CFAP299: variants seen among roughly 807,000 people sequenced by gnomAD.
The protein encoded by CFAP299 is cilia- and flagella-associated protein 299.
A neutral mutation model predicts 27.0 loss-of-function variants in CFAP299; 21 were observed. The observed-to-expected ratio is 0.78, with a 90% confidence interval of 0.55 to 1.12. The LOEUF (loss-of-function observed/expected upper bound fraction) is 1.12, where lower values mean the gene tolerates loss of function less well. Among genes scored for constraint, CFAP299 ranks in the 50% most tolerant of loss-of-function variants. The pLI is 0.00. For missense variants in CFAP299, 310 were observed against 276.6 expected, an observed-to-expected ratio of 1.12 and a Z score of -0.86; for synonymous variants, 104 against 98.1, an observed-to-expected ratio of 1.06 and a Z score of -0.36.
intron 3 of CFAP299, among the ~76,000 whole-genome samples, chr4:80,831,297 A>T (rs1416121923): frequency 6.6e-6 from 1 of 152,198 alleles, no homozygotes; most frequent in Non-Finnish European, 1.5e-5. Context: ...GAATTAAAGC[A>T]TGTAATAATA....
chr4:80,763,805 A>G (rs1032130622), intron 3 of CFAP299, among the ~76,000 whole-genome samples: 5 of 152,168 alleles, frequency 3.3e-5, no homozygotes, highest in Non-Finnish European at 7.4e-5. Context: ...AACAACACGC[A>G]TCTACAACCA....
intron 3 of CFAP299, among the ~76,000 whole-genome samples, chr4:80,727,571 C>T (rs1723233655): frequency 6.6e-6 from 1 of 151,818 alleles, no homozygotes; most frequent in Non-Finnish European, 1.5e-5. Context: ...CCCTTGGGTT[C>T]CTTATTTTTA....
At chr4:80,506,562 T>G (rs1732047771) in intron 2 of CFAP299, among the ~76,000 whole-genome samples, 1 of 152,216 alleles carries the variant, frequency 6.6e-6, no homozygotes, top group African/African-American at 2.4e-5. Flanking sequence ...AACTTTAATT[T>G]TTCTGTCATT....
At chr4:80,572,148 C>T (rs563799279) in intron 2 of CFAP299, among the ~76,000 whole-genome samples, 1 of 152,166 alleles carries the variant, frequency 6.6e-6, no homozygotes, top group East Asian at 1.9e-4. Flanking sequence ...TATTCATCAC[C>T]TCAAGCATTT....
At chr4:80,914,057 A>G (rs1437436695) in intron 4 of CFAP299, among the ~76,000 whole-genome samples, 2 of 152,128 alleles carry the variant, frequency 1.3e-5, no homozygotes, top group African/African-American at 4.8e-5. Flanking sequence ...GTACTATTCC[A>G]CTATAAAGAT....
chr4:80,645,286 T>C (rs1459412345), intron 3 of CFAP299, among the ~76,000 whole-genome samples: 1 of 151,988 alleles, frequency 6.6e-6, no homozygotes, highest in Non-Finnish European at 1.5e-5. Context: ...TTGCATGGAG[T>C]ATAGAGTTGC....
Position 80,420,651 on chromosome 4 carries a change from T to TG in CFAP299, c.242+57768dup, listed in dbSNP as rs35333049. ...TTTTTATGGAGTTGAGTTCCTTACA[T>TG]GTTTTGAATATTTATCCCTTATCAG... On this transcript the variant is annotated intron_variant, in intron 2 of 5. Transcript: ENST00000358105. Among the ~76,000 whole-genome samples the TG allele has an allele frequency of 3.1e-3, 473 of 152,298 alleles. 1 individual carries two copies. The highest frequency in any genetic ancestry group is 0.027 in the South Asian group (131 of 4,826).
intron 2 of CFAP299, among the ~76,000 whole-genome samples, chr4:80,542,316 A>G (rs1457646864): frequency 1.3e-5 from 2 of 152,162 alleles, no homozygotes; most frequent in Non-Finnish European, 2.9e-5. Flanking sequence ...TGTAATCATC[A>G]GGCTTGAGAA....
chr4:80,952,177 T>C (rs1737814489), intron 5 of CFAP299, among the ~76,000 whole-genome samples: 1 of 152,304 alleles, frequency 6.6e-6, no homozygotes, highest in South Asian at 2.1e-4. Context: ...TGCCGTTGTA[T>C]TACCAGGGCT....
rs369036970 is a variant in CFAP299, at chr4:80,800,459, A to T, written c.334-69534A>T. ...TATAATATATTGATATATTAATATA[A>T]TATATAATATATAATATATTATATA... On this transcript the variant is annotated intron_variant, in intron 3 of 5. Coordinates refer to ENST00000358105, the MANE Select transcript of CFAP299 (RefSeq NM_152770.3). 9.5e-3 allele frequency among the ~76,000 whole-genome samples: 89 copies of T among 9,338 alleles called. 4 individuals are homozygous for T. The highest frequency in any genetic ancestry group is 0.016 in the South Asian group (4 of 256). 6.1% of individuals were successfully genotyped at this position (9,338 alleles called of 152,430 possible).
chr4:80,875,814 G>C (rs1281041492), intron 4 of CFAP299, among the ~76,000 whole-genome samples: 1 of 152,050 alleles, frequency 6.6e-6, no homozygotes, highest in Non-Finnish European at 1.5e-5. Context: ...AGTTACTCAT[G>C]CATAGTACCT....
intron 5 of CFAP299, among the ~76,000 whole-genome samples, chr4:80,955,233 G>A (rs1738009141): frequency 6.6e-6 from 1 of 152,030 alleles, no homozygotes; most frequent in South Asian, 2.1e-4. Context: ...CTCAGGCAGG[G>A]CAAAGCTCTT....
intron 3 of CFAP299, among the ~76,000 whole-genome samples, chr4:80,644,389 A>C (rs1739882312): frequency 6.6e-6 from 1 of 152,102 alleles, no homozygotes; most frequent in Admixed American, 6.6e-5. Context: ...ACACTTTTTT[A>C]AATTCAAGAC....
chr4:80,349,704 A>G (rs1292827075), intron 1 of CFAP299, among the ~76,000 whole-genome samples: 1 of 152,214 alleles, frequency 6.6e-6, no homozygotes, highest in African/African-American at 2.4e-5. Flanking sequence ...AAGAAAAAGC[A>G]TAGATAAAAT....
At chr4:80,711,488 T>C (rs1045241742) in intron 3 of CFAP299, among the ~76,000 whole-genome samples, 11 of 152,176 alleles carry the variant, frequency 7.2e-5, no homozygotes, top group African/African-American at 2.4e-4. Flanking sequence ...CCCTCGGACC[T>C]CAGTATGGGC....
chr4:80,504,928 A>G (rs962436160), intron 2 of CFAP299, among the ~76,000 whole-genome samples: 7 of 148,398 alleles, frequency 4.7e-5, no homozygotes, highest in South Asian at 2.1e-4. Context: ...TTGATAAATG[A>G]TATAAATTGT....
intron 4 of CFAP299, chr4:80,870,663 C>T: frequency 3.0e-6 from 3 of 985,558 alleles, no homozygotes; most frequent in Middle Eastern, 1.0e-3. Context: ...CCTACACTGC[C>T]AATCTATTCA....
At chr4:80,605,830 T>G (rs1737633309) in intron 3 of CFAP299, among the ~76,000 whole-genome samples, 2 of 152,208 alleles carry the variant, frequency 1.3e-5, no homozygotes, top group Non-Finnish European at 2.9e-5. Flanking sequence ...GCCTATTATT[T>G]TTATTAACAC....
intron 2 of CFAP299, among the ~76,000 whole-genome samples, chr4:80,580,234 C>T (rs1387624252): frequency 6.6e-6 from 1 of 152,028 alleles, no homozygotes; most frequent in Non-Finnish European, 1.5e-5. Context: ...GATTTACATT[C>T]TCATGAGGTG....
Sources: allele counts gnomAD v4.1 joint callset (sites outside exome capture counted in the v4.1 genomes callset), GRCh38; gene constraint gnomAD v4.1.1; transcripts MANE v1.5; gene names NCBI Gene and HGNC (gene_info 2026-07-23, HGNC 2026-07-21).